The following BANP variants were observed in gnomAD, a reference collection of about 807,000 sequenced individuals.
BANP encodes the protein protein BANP.
BANP carries 11 observed loss-of-function variants against 68.1 expected under a neutral mutation model. That is an observed-to-expected ratio of 0.16 (90% confidence interval 0.10 to 0.27). The LOEUF (loss-of-function observed/expected upper bound fraction) is 0.27, where lower values mean the gene tolerates loss of function less well. Among genes scored for constraint, BANP ranks in the 10% least tolerant of loss-of-function variants. The probability of loss-of-function intolerance (pLI) is 1.00; values close to 1 mark genes in which losing one functional copy is unlikely to be tolerated. For missense variants in BANP, 504 were observed against 722.7 expected (o/e 0.70, Z 3.47); for synonymous variants, 329 against 303.2 (o/e 1.09, Z -0.88).
chr16:88,030,073 C>T (rs2077823166), intron 8 of BANP, among the ~76,000 whole-genome samples: 1 of 152,180 alleles, frequency 6.6e-6, no homozygotes, highest in Non-Finnish European at 1.5e-5. Flanking sequence ...CTAAACTATC[C>T]CTAGAATAAA....
At chr16:88,037,855 A>G (rs1598730892) in intron 10 of BANP, 118 bp from the exon 11 acceptor site, 1 of 983,820 alleles carries the variant, frequency 1.0e-6, no homozygotes, top group African/African-American at 1.6e-5. Flanking sequence ...TTTTTGCAGA[A>G]CTGGGGTTTT....
chr16:88,054,360 A>G (rs1357335972), intron 11 of BANP, among the ~76,000 whole-genome samples: 5 of 127,110 alleles, frequency 3.9e-5, no homozygotes, highest in African/African-American at 1.4e-4. Context: ...CAGCCACCCT[A>G]ACAACCACTA....
Position 87,994,155 on chromosome 16 carries a change from C to T in BANP, c.362+9896C>T, listed in dbSNP as rs185260891. ...CTCTGAACATGCGAAGGGCCCTGGGCGGCTTTTCAGCCAAACATGTTGCCT... is the reference window on the plus strand; with the variant it reads ...CTCTGAACATGCGAAGGGCCCTGGGTGGCTTTTCAGCCAAACATGTTGCCT... On this transcript the variant is annotated intron_variant, in intron 4 of 13. Transcript: ENST00000682872. 1.2e-4 allele frequency among the ~76,000 whole-genome samples: 19 copies of T among 152,290 alleles called. No individual in the cohort carries two copies. The East Asian group carries it at 3.3e-3, about 26-fold the overall frequency.
At chr16:88,046,355 A>G (rs116810940) in intron 11 of BANP, among the ~76,000 whole-genome samples, 1,770 of 152,336 alleles carry the variant, frequency 0.012, 34 homozygotes, top group African/African-American at 0.041. Context: ...AAAGCAGGTC[A>G]TCTGAACCTC....
chr16:87,968,821 C>A (rs1408359442), intron 1 of BANP, among the ~76,000 whole-genome samples: 2 of 152,136 alleles, frequency 1.3e-5, no homozygotes, highest in East Asian at 3.8e-4. Flanking sequence ...GACCCTCCCC[C>A]CACAGCTTAG....
rs1395521093 is a variant in BANP at position 88,053,967 on chromosome 16, T to C, written c.1312-11300T>C. 8.2e-4 allele frequency among the ~76,000 whole-genome samples: 42 copies of C among 50,992 alleles called. 1 individual carries two copies. The highest frequency in any genetic ancestry group is 5.7e-3 in the South Asian group (10 of 1,756). 33.5% of individuals were successfully genotyped at this position (50,992 alleles called of 152,430 possible). On this transcript the variant is annotated intron_variant, in intron 11 of 13. Coordinates refer to ENST00000682872, the MANE Select transcript of BANP (RefSeq NM_001386991.1). ...CCAACACAACCACCCTAACAGCCAC[T>C]CCCACCTCCTTCACTATCATCACCA...
At position 88,064,123 on chromosome 16, in the gene BANP, C is replaced by T. The variant is rs1373033609; in HGVS notation, c.1312-1144C>T. Among the ~76,000 whole-genome samples the T allele has an allele frequency of 1.3e-5, 2 of 151,454 alleles. No homozygotes were observed. Among genetic ancestry groups the T allele is most frequent in the African/African-American group, 4.9e-5 (2 of 41,124 alleles). The stretch of plus-strand genomic sequence containing the variant: ...ACAAGCAGGCACCGGCGCTGGGGGA[C>T]CAGGGTCAGGGGGCTCTCTTCAGAG... On this transcript the variant is annotated intron_variant, in intron 11 of 13. Coordinates refer to ENST00000682872, the MANE Select transcript of BANP (RefSeq NM_001386991.1). This position sits in a 1 kb window ranked among gnomAD's most constrained non-coding sequence, Gnocchi z 4.5.
At chr16:87,954,858 G>A (rs1275157946) in intron 1 of BANP, among the ~76,000 whole-genome samples, 1 of 152,260 alleles carries the variant, frequency 6.6e-6, no homozygotes, top group Non-Finnish European at 1.5e-5. Context: ...CTCCCCTTGA[G>A]CAGGAATTTG....
intron 11 of BANP, among the ~76,000 whole-genome samples, chr16:88,051,324 G>T (rs941108263): frequency 2.6e-5 from 4 of 152,252 alleles, no homozygotes; most frequent in African/African-American, 9.6e-5. Flanking sequence ...CCTGCAGGGT[G>T]TGGGTGGGGT....
chr16:88,031,905 A>C (rs2078266509), intron 8 of BANP, among the ~76,000 whole-genome samples: 1 of 151,432 alleles, frequency 6.6e-6, no homozygotes, highest in South Asian at 2.1e-4. Flanking sequence ...CCCAGGTTCA[A>C]GTGGTTCTCC....
At chr16:88,053,898 C>T (rs1471754466) in intron 11 of BANP, among the ~76,000 whole-genome samples, 1 of 72,282 alleles carries the variant, frequency 1.4e-5, no homozygotes, top group African/African-American at 3.4e-5. Context: ...CAGTCCCCTT[C>T]ACCACCACCA....
At chr16:87,982,205 C>A (rs367713909) in intron 3 of BANP, among the ~76,000 whole-genome samples, 2 of 152,314 alleles carry the variant, frequency 1.3e-5, no homozygotes, top group East Asian at 3.9e-4. Flanking sequence ...GCACATAGAA[C>A]AGAAATGTAT....
intron 8 of BANP, among the ~76,000 whole-genome samples, chr16:88,029,363 A>G (rs372897814): frequency 1.5e-4 from 22 of 150,016 alleles, no homozygotes; most frequent in Middle Eastern, 3.3e-3. Flanking sequence ...TAATCCCAGC[A>G]CTTTGGGAGG....
At position 88,003,385 on chromosome 16, in the gene BANP, C is replaced by T. The variant is rs2069996460; in HGVS notation, c.363-910C>T. 4.4e-6 allele frequency: 2 copies of T among 453,842 alleles called. No individual in the cohort carries two copies. The highest frequency in any genetic ancestry group is 8.9e-6 in the Non-Finnish European group (2 of 225,600). 28.1% of individuals were successfully genotyped at this position (453,842 alleles called of 1,614,324 possible). ...GTGCAGATCACAGAAAGGCAGGCTT[C>T]CCAGGTTGGTTTTTGGAGAGTGAAA... On this transcript the variant is annotated intron_variant, in intron 4 of 13. Transcript: ENST00000682872. This position sits in a 1 kb window ranked among gnomAD's most constrained non-coding sequence, Gnocchi z 6.1.
chr16:88,054,405 C>T (rs886064498), intron 11 of BANP, among the ~76,000 whole-genome samples: 1 of 151,928 alleles, frequency 6.6e-6, no homozygotes, highest in African/African-American at 2.4e-5. Context: ...TCATCACCAA[C>T]ACAACCACCT....
chr16:88,042,636 A>C (rs1449412790), intron 11 of BANP, among the ~76,000 whole-genome samples: 1 of 152,188 alleles, frequency 6.6e-6, no homozygotes, highest in Non-Finnish European at 1.5e-5. Context: ...TTTAAAAAAA[A>C]TGTTTTGTGC....
chr16:88,068,594 G>A (rs188741769), intron 12 of BANP, among the ~76,000 whole-genome samples: 27 of 152,286 alleles, frequency 1.8e-4, no homozygotes, highest in Admixed American at 9.8e-4. Flanking sequence ...CCTCACAGAA[G>A]AGCCCACTGG....
chr16:88,050,015 T>C (rs2082885120), intron 11 of BANP, among the ~76,000 whole-genome samples: 1 of 152,186 alleles, frequency 6.6e-6, no homozygotes, highest in African/African-American at 2.4e-5. Context: ...AAAGAGCTGG[T>C]GTGTGGGCGT....
At chr16:88,007,827 A>G (rs1344706650) in intron 6 of BANP, among the ~76,000 whole-genome samples, 1 of 152,174 alleles carries the variant, frequency 6.6e-6, no homozygotes, top group Non-Finnish European at 1.5e-5. Flanking sequence ...AATGGAGGGA[A>G]GAGAGAAAGA....
Sources: gnomAD v4.1 joint callset for allele counts (sites outside exome capture counted in the v4.1 genomes callset) on GRCh38, gnomAD v4.1.1 for gene constraint, Gnocchi (gnomAD v3.1) non-coding constraint, MANE v1.5 for transcripts, NCBI Gene and HGNC (gene_info 2026-07-23, HGNC 2026-07-21) for gene names.